The following SLC22A12 variants were observed in gnomAD, a reference collection of about 807,000 sequenced individuals.
The protein encoded by SLC22A12 is organic anion transporter 4-like protein.
SLC22A12 carries 56 observed loss-of-function variants against 52.7 expected under a neutral mutation model. That is an observed-to-expected ratio of 1.06 (90% CI 0.86 to 1.33). The LOEUF is 1.33. SLC22A12 is among the 40% of genes most tolerant of loss of function. SLC22A12 has a pLI of 0.00. For missense variants in SLC22A12, 683 were observed against 741.5 expected (o/e 0.92, Z 0.92); for synonymous variants, 337 against 324.6 (o/e 1.04, Z -0.41).
At chr11:64,592,295 G>A (rs960431177) in intron 1 of SLC22A12, among the ~76,000 whole-genome samples, 1 of 152,160 alleles carries the variant, frequency 6.6e-6, no homozygotes, top group Non-Finnish European at 1.5e-5. Flanking sequence ...GGGACTCAGT[G>A]ACAATTCACT....
chr11:64,600,525 G>A (rs376019118), intron 8 of SLC22A12, 50 bp downstream of exon 8: 44 of 1,484,992 alleles, frequency 3.0e-5, no homozygotes, highest in African/African-American at 2.2e-4. Context: ...GCTGAGCTGC[G>A]GGGCACCCCC....
Position 64,591,581 on chromosome 11 carries a change from C to A in SLC22A12, c.25C>A (p.Leu9Ile). Residue 9 changes from leucine (L) to isoleucine (I), a missense_variant, in exon 1 of 10, where the codon CTC becomes ATC. Transcript: ENST00000377574. MAFSELLD[L>I]VGGLGRFQVL... ...CATGGCATTTTCTGAACTCCTGGAC[C>A]TCGTGGGTGGCCTGGGCAGGTTCCA... The A allele has an allele frequency of 1.2e-6, 2 of 1,612,880 alleles. No individual in the cohort carries two copies. The highest frequency in any genetic ancestry group is 1.7e-6 in the Non-Finnish European group (2 of 1,180,034).
rs1323181294 is a variant in SLC22A12, at chr11:64,593,699, C to T, written c.726C>T (p.Ser242=). Residue 242 remains serine (S), a synonymous_variant, in exon 4 of 10, where the codon AGC becomes AGT. Transcript: ENST00000377574. ...LVMTLNSLGF[S]FGHGLTAAVA... is the part of the protein sequence containing the mutation. ...TGACCTTGAACTCTCTGGGCTTCAG[C>T]TTCGGCCATGGCCTGACAGCTGCAG... The T allele has an allele frequency of 5.6e-6, 9 of 1,614,010 alleles. No homozygotes were observed. In the African/African-American group the frequency reaches 1.1e-4, roughly 19 times the overall value.
rs1591395456 is a variant in SLC22A12 at position 64,596,042 on chromosome 11, T to C, written c.830+2239T>C. ...GGATGGAATGGATGGATGGTTGGAATAGATGGAATGGATAGATGGATGGAT... is the reference window on the plus strand; with the variant it reads ...GGATGGAATGGATGGATGGTTGGAACAGATGGAATGGATAGATGGATGGAT... On this transcript the variant is annotated intron_variant, in intron 4 of 9. Coordinates refer to ENST00000377574, the MANE Select transcript of SLC22A12 (RefSeq NM_144585.4). Among the ~76,000 whole-genome samples the C allele has an allele frequency of 2.1e-5, 3 of 139,936 alleles. No individual in the cohort carries two copies. In the South Asian group the frequency reaches 6.7e-4, roughly 31 times the overall value. 91.8% of individuals were successfully genotyped at this position (139,936 alleles called of 152,430 possible).
At position 64,599,815 on chromosome 11, in the gene SLC22A12, G is replaced by A; in HGVS notation, c.1210G>A (p.Gly404Ser). 1 of 1,612,496 alleles carries A rather than the reference G, an allele frequency of 6.2e-7. No homozygotes were observed. The highest frequency in any genetic ancestry group is 8.5e-7 in the Non-Finnish European group (1 of 1,179,834). The change falls in exon 7 of 10, where the codon GGC becomes AGC. Residue 404 changes from glycine to serine, a missense_variant. Transcript: ENST00000377574. ...MGALLLLSHL[G>S]RRPTLAASLL... is the part of the protein sequence containing the mutation. ...CGCCCTGCTGCTGCTGAGCCACCTG[G>A]GCCGCCGCCCCACGCTGGCCGCATC...
chr11:64,598,530 C>T lies in SLC22A12; in HGVS notation c.845C>T (p.Ser282Leu), dbSNP rs758620566. ...CFLYSWWLAE[S>L]ARWLLTTGRL... is the part of the protein sequence containing the mutation. ...CTCCACTTAAGGTGGCTGGCAGAGTCGGCACGATGGCTCCTCACCACAGGC... is the reference window on the plus strand; with the variant it reads ...CTCCACTTAAGGTGGCTGGCAGAGTTGGCACGATGGCTCCTCACCACAGGC... The change falls in exon 5 of 10, where the codon TCG (serine) becomes TTG (leucine). Residue 282 changes from serine (S) to leucine (L), a missense_variant. Physicochemically the swap from Ser to Leu is moderately radical, Grantham distance 145 (BLOSUM62 -2). Transcript: ENST00000377574. 2.2e-5 allele frequency: 35 copies of T among 1,585,948 alleles called. No homozygotes were observed. Among genetic ancestry groups the T allele is most frequent in the Admixed American group, 9.0e-5 (5 of 55,844 alleles).
chr11:64,596,430 T>C (rs1384881609), intron 4 of SLC22A12, among the ~76,000 whole-genome samples: 1 of 151,860 alleles, frequency 6.6e-6, no homozygotes, highest in Non-Finnish European at 1.5e-5. Context: ...GGTGGATTAA[T>C]TGGATGAACT....
chr11:64,598,234 G>T (rs1193655395), intron 4 of SLC22A12, among the ~76,000 whole-genome samples: 5 of 152,064 alleles, frequency 3.3e-5, no homozygotes, highest in East Asian at 1.9e-4. Context: ...AGGCAGGAAG[G>T]GTTCCACAGA....
chr11:64,598,489 A>AC, intron 4 of SLC22A12, 27 bp from the exon 5 acceptor site: 1 of 1,556,122 alleles, frequency 6.4e-7, no homozygotes, highest in East Asian at 2.4e-5. Context: ...ACAGGCAATG[A>AC]CCCCTCCCAC....
chr11:64,592,946 G>C (rs2038969275), intron 2 of SLC22A12, 64 bp downstream of exon 2: 1 of 1,440,406 alleles, frequency 6.9e-7, no homozygotes, highest in Admixed American at 1.7e-5. Flanking sequence ...CTAGGACCCT[G>C]GCCGACTGGC....
rs1043463258 is a variant in SLC22A12, at chr11:64,592,787, C to T, written c.411C>T (p.Leu137=). The T allele has an allele frequency of 2.6e-5, 42 of 1,613,442 alleles. No homozygotes were observed. The highest frequency in any genetic ancestry group is 1.6e-4 in the Middle Eastern group (1 of 6,082). Residue 137 remains leucine, a synonymous_variant, in exon 2 of 10, where the codon CTC becomes CTT. Coordinates refer to ENST00000377574, the MANE Select transcript of SLC22A12 (RefSeq NM_144585.4). ...FTSTIVAKWN[L]VCDSHALKPM... is the part of the protein sequence containing the mutation. ...TCCTCCTCTCCCATCAGTGGAACCT[C>T]GTGTGTGACTCTCATGCTCTGAAGC...
At chr11:64,599,618 G>GCCCC in intron 6 of SLC22A12, 58 bp from the exon 7 acceptor site, 5 of 56,448 alleles carry the variant, frequency 8.9e-5, no homozygotes, top group Admixed American at 4.0e-4. Context: ...TTCCCACCCT[G>GCCCC]CCCACCACCC....
intron 8 of SLC22A12, 112 bp downstream of exon 8, chr11:64,600,587 C>T: frequency 2.2e-6 from 3 of 1,375,120 alleles, no homozygotes; most frequent in African/African-American, 2.9e-5. Flanking sequence ...GCATCTCCCT[C>T]TTGTGTGGTC....
rs775073837 is a variant in SLC22A12, at chr11:64,593,741, G to A, written c.768G>A (p.Arg256=). The change falls in exon 4 of 10, where the codon CGG becomes CGA. Residue 256 remains arginine (R), a synonymous_variant. Transcript: ENST00000377574. The part of the protein sequence containing the change: ...GLTAAVAYGV[R]DWTLLQLVVS... ...CAGCTGCAGTGGCCTACGGTGTGCGGGACTGGACACTGCTGCAGCTGGTGG... is the reference window on the plus strand; with the variant it reads ...CAGCTGCAGTGGCCTACGGTGTGCGAGACTGGACACTGCTGCAGCTGGTGG... The A allele has an allele frequency of 3.7e-6, 6 of 1,613,366 alleles. No individual in the cohort carries two copies. The highest frequency in any genetic ancestry group is 1.1e-5 in the South Asian group (1 of 91,084).
In SLC22A12 at chr11:64,593,647, C is replaced by T. The variant is rs746103350; in HGVS notation, c.674C>T (p.Thr225Met). 8 of 1,614,046 alleles carry T rather than the reference C, an allele frequency of 5.0e-6. No homozygotes were observed. The highest frequency in any genetic ancestry group is 3.3e-5 in the South Asian group (3 of 91,094). The change falls in exon 4 of 10, where the codon ACG becomes ATG. Residue 225 changes from threonine to methionine, a missense_variant. Thr to Met is a moderately conservative substitution (Grantham distance 81, BLOSUM62 -1). Transcript: ENST00000377574. ...MNTGTLLMEW[T>M]AARARPLVMT... ...GGTCTCCTTGCAGTGATGGAGTGGACGGCGGCACGGGCCCGACCCTTGGTG... is the reference window on the plus strand; with the variant it reads ...GGTCTCCTTGCAGTGATGGAGTGGATGGCGGCACGGGCCCGACCCTTGGTG...
Position 64,591,871 on chromosome 11 carries a change from C to T in SLC22A12, c.315C>T (p.Ala105=). 2 of 1,612,684 alleles carry T rather than the reference C, an allele frequency of 1.2e-6. No homozygotes were observed. Among genetic ancestry groups the T allele is most frequent in the Non-Finnish European group, 8.5e-7 (1 of 1,180,042 alleles). The change falls in exon 1 of 10, where the codon GCC becomes GCT. Residue 105 remains alanine, a synonymous_variant. Transcript: ENST00000377574. The part of the protein sequence containing the change: ...QWQLLDPNAT[A]TSWSEADTEP... Reference sequence around the variant, plus strand: ...AGCTCTTGGACCCCAATGCCACGGCCACCAGCTGGAGCGAGGCCGACACGG... The same window carrying T: ...AGCTCTTGGACCCCAATGCCACGGCTACCAGCTGGAGCGAGGCCGACACGG...
chr11:64,598,174 C>A (rs891013033), intron 4 of SLC22A12, among the ~76,000 whole-genome samples: 2 of 152,064 alleles, frequency 1.3e-5, no homozygotes, highest in Non-Finnish European at 2.9e-5. Context: ...CTGACTGCAA[C>A]CAGGCCGGGT....
Position 64,593,803 on chromosome 11 carries a change from G to C in SLC22A12, c.830G>C (p.Trp277Ser). Residue 277 changes from tryptophan to serine, a missense_variant and splice_region_variant, in exon 4 of 10, where the codon TGG (tryptophan) becomes TCG (serine). Transcript: ENST00000377574. The part of the protein sequence containing the change: ...VPFFLCFLYS[W>S]WLAESARWLL... ...TTCTTCCTCTGCTTTTTGTACTCCTGGTGGGTGCTGTGCCCCACTCCCCTC... is the reference window on the plus strand; with the variant it reads ...TTCTTCCTCTGCTTTTTGTACTCCTCGTGGGTGCTGTGCCCCACTCCCCTC... The C allele has an allele frequency of 6.2e-7, 1 of 1,603,704 alleles. No individual in the cohort carries two copies. Among genetic ancestry groups the C allele is most frequent in the Non-Finnish European group, 8.5e-7 (1 of 1,179,850 alleles).
chr11:64,601,503 A>T lies in SLC22A12; in HGVS notation c.1614A>T (p.Ala538=). The change falls in exon 10 of 10, where the codon GCA becomes GCT. Residue 538 remains alanine, a synonymous_variant. Transcript: ENST00000377574. ...QDVQNQAVKK[A]THGTLGNSVL... is the part of the protein sequence containing the mutation. ...TCCTGAACAGGGCAGTAAAGAAGGCAACACATGGCACGCTGGGGAACTCTG... is the reference window on the plus strand; with the variant it reads ...TCCTGAACAGGGCAGTAAAGAAGGCTACACATGGCACGCTGGGGAACTCTG... The T allele has an allele frequency of 6.2e-7, 1 of 1,613,908 alleles. No individual in the cohort carries two copies. Among genetic ancestry groups the T allele is most frequent in the Non-Finnish European group, 8.5e-7 (1 of 1,179,954 alleles).
Sources: gnomAD v4.1 joint callset for allele counts (sites outside exome capture counted in the v4.1 genomes callset) on GRCh38, gnomAD v4.1.1 for gene constraint, MANE v1.5 for transcripts, NCBI Gene and HGNC (gene_info 2026-07-23, HGNC 2026-07-21) for gene names.